Variants in KDELR3 observed in about 807,000 individuals in gnomAD.
KDELR3 encodes KDEL endoplasmic reticulum protein retention receptor 3, also known as ER lumen protein-retaining receptor 3.
In KDELR3, 26 loss-of-function variants were observed where a neutral mutation model predicts 22.7. The observed-to-expected ratio is 1.15, with a 90% CI of 0.84 to 1.59. The LOEUF (loss-of-function observed/expected upper bound fraction) is 1.59, where lower values mean the gene tolerates loss of function less well. Among genes scored for constraint, KDELR3 ranks in the 40% most tolerant of loss-of-function variants. The pLI is 0.00. For synonymous variants in KDELR3, 120 were observed against 98.2 expected, an observed-to-expected ratio of 1.22 and a Z score of -1.31; for missense variants, 289 against 251.1, an observed-to-expected ratio of 1.15 and a Z score of -1.02.
chr22:38,475,113 C>A (rs1316835628), intron 2 of KDELR3, among the ~76,000 whole-genome samples: 5 of 146,238 alleles, frequency 3.4e-5, no homozygotes, highest in Non-Finnish European at 6.0e-5. Context: ...AAAGACAGTA[C>A]CATTACTTAG....
At position 38,482,748 on chromosome 22, in the gene KDELR3, G is replaced by A. The variant is rs2089613792; in HGVS notation, c.*212G>A. The A allele has an allele frequency of 9.1e-6, 5 of 547,632 alleles. No individual in the cohort carries two copies. Among genetic ancestry groups the A allele is most frequent in the Non-Finnish European group, 1.6e-5 (5 of 309,784 alleles). The allele number at this position is 547,632 out of a possible 1,614,324, so 33.9% of individuals were successfully genotyped here. A position where few individuals can be genotyped will look rare whatever the true frequency, so the allele number is the denominator to read the frequency against. On this transcript the variant is annotated 3_prime_UTR_variant, in exon 5 of 5. Coordinates refer to ENST00000216014, the MANE Select transcript of KDELR3 (RefSeq NM_006855.4). ...CCATTGTAAGGTCATAAAAAACCTCGGCCACCTGCACAAAGATGGTGCCTC... is the reference window on the plus strand; with the variant it reads ...CCATTGTAAGGTCATAAAAAACCTCAGCCACCTGCACAAAGATGGTGCCTC...
Position 38,479,654 on chromosome 22 carries a change from CTT to C in KDELR3, c.257_258del (p.Phe86Ter), listed in dbSNP as rs746369189. On this transcript the variant is annotated frameshift_variant, in exon 3 of 5. Coordinates refer to ENST00000216014, the MANE Select transcript of KDELR3 (RefSeq NM_006855.4). LOFTEE classifies it high-confidence loss of function. ...ATGATATATGGGAAATTCCGTAAAACTTTTGACAGTGAGAATGACACATTCCG... is the reference window on the plus strand; with the variant it reads ...ATGATATATGGGAAATTCCGTAAAACTTGACAGTGAGAATGACACATTCCG... 3 of 1,614,060 alleles carry C rather than the reference CTT, an allele frequency of 1.9e-6. No individual in the cohort carries two copies. In the East Asian group the frequency reaches 6.7e-5, roughly 36 times the overall value.
intron 2 of KDELR3, among the ~76,000 whole-genome samples, chr22:38,477,181 G>C (rs920004613): frequency 1.3e-5 from 2 of 150,268 alleles, no homozygotes; most frequent in African/African-American, 4.9e-5. Flanking sequence ...CCAAAGTGTT[G>C]GGATTACAGG....
Position 38,474,557 on chromosome 22 carries a change from C to A in KDELR3, c.126C>A (p.Leu42=), listed in dbSNP as rs201269393. The A allele has an allele frequency of 1.2e-6, 2 of 1,613,894 alleles. No individual in the cohort carries two copies. Among genetic ancestry groups the A allele is most frequent in the Non-Finnish European group, 1.7e-6 (2 of 1,179,976 alleles). ...GGAAGAGCCAGATCCTGTTTGCTCT[C>A]GTCTTCACCACCAGGTACCTGGACC... is the stretch of plus-strand genomic sequence containing the variant. The part of the protein sequence containing the change: ...ISGKSQILFA[L]VFTTRYLDLF... Residue 42 remains leucine, a synonymous_variant, in exon 2 of 5, where the codon CTC becomes CTA. Coordinates refer to ENST00000216014, the MANE Select transcript of KDELR3 (RefSeq NM_006855.4).
rs767627216 is a variant in KDELR3 at position 38,474,626 on chromosome 22, G to T, written c.192+3G>T. On this transcript the variant is annotated splice_donor_region_variant and intron_variant, in intron 2 of 4. Coordinates refer to ENST00000216014, the MANE Select transcript of KDELR3 (RefSeq NM_006855.4). ...CCATCTACAACACAGTAATGAAGGT[G>T]AGGGGCTGGGTGATGATGGTTGGGG... is the stretch of plus-strand genomic sequence containing the variant. 6.2e-7 allele frequency: 1 copy of T among 1,610,180 alleles called. No homozygotes were observed.
intron 1 of KDELR3, among the ~76,000 whole-genome samples, chr22:38,471,474 T>C (rs1470956962): frequency 6.6e-6 from 1 of 152,196 alleles, no homozygotes; most frequent in Non-Finnish European, 1.5e-5. Flanking sequence ...CCCCGGCTAG[T>C]GCACGTGCGC....
chr22:38,476,889 C>T (rs1457846766), intron 2 of KDELR3, among the ~76,000 whole-genome samples: 1 of 272 alleles, frequency 3.7e-3, no homozygotes, highest in African/African-American at 0.011. Context: ...TCACTGCAGT[C>T]TCTGCTCCCG....
rs1264618201 is a variant in KDELR3, at chr22:38,481,299, A to AT, written c.440dup (p.Thr148AsnfsTer18). 9 of 1,614,212 alleles carry AT rather than the reference A, an allele frequency of 5.6e-6. No individual in the cohort carries two copies. Among genetic ancestry groups the AT allele is most frequent in the Non-Finnish European group, 7.6e-6 (9 of 1,180,040 alleles). On this transcript the variant is annotated frameshift_variant, in exon 4 of 5. Coordinates refer to ENST00000216014, the MANE Select transcript of KDELR3 (RefSeq NM_006855.4). LOFTEE classifies it high-confidence loss of function. ...CAGCAAGACTGGAGAGGCTGAGACC[A>AT]TAACTACTCACTACCTGTTCTTTCT... is the stretch of plus-strand genomic sequence containing the variant.
intron 2 of KDELR3, among the ~76,000 whole-genome samples, chr22:38,479,087 A>C (rs557094159): frequency 6.6e-6 from 1 of 152,212 alleles, no homozygotes; most frequent in Non-Finnish European, 1.5e-5. Flanking sequence ...AGTTAGTTCA[A>C]GGGATGTTAG....
At chr22:38,476,877 G>T (rs2089563110) in intron 2 of KDELR3, among the ~76,000 whole-genome samples, 2 of 83,742 alleles carry the variant, frequency 2.4e-5, no homozygotes, top group Admixed American at 2.6e-4. Flanking sequence ...CACGATCTTG[G>T]CTCACTGCAG....
chr22:38,472,596 G>A (rs1040163960), intron 1 of KDELR3, among the ~76,000 whole-genome samples: 4 of 152,218 alleles, frequency 2.6e-5, no homozygotes, highest in African/African-American at 9.6e-5. Flanking sequence ...GGGAAAACTG[G>A]TGAAATCAGA....
Position 38,481,208 on chromosome 22 carries a change from T to C in KDELR3, c.352-4T>C. 2 of 1,611,736 alleles carry C rather than the reference T, an allele frequency of 1.2e-6. No homozygotes were observed. Among genetic ancestry groups the C allele is most frequent in the Non-Finnish European group, 1.7e-6 (2 of 1,178,556 alleles). On this transcript the variant is annotated splice_polypyrimidine_tract_variant and splice_region_variant and intron_variant, in intron 3 of 4. Transcript: ENST00000216014. ...AGTCTCTGGTTGCTTTCTCTTTGGC[T>C]CAGATCCTCTGGACTTTCTCTATCT...
In KDELR3 at chr22:38,468,439, G is replaced by C. The variant is rs957134562; in HGVS notation, c.91+115G>C. The C allele has an allele frequency of 3.8e-6, 3 of 797,702 alleles. No individual in the cohort carries two copies. The South Asian group carries it at 4.5e-5, about 12-fold the overall frequency. 49.4% of individuals were successfully genotyped at this position (797,702 alleles called of 1,614,324 possible). ...TCAGGGTGGGGACTCCGGCGTGGGG[G>C]TCCTTGAAACTTTGCGGAGCTCCAC... On this transcript the variant is annotated intron_variant, in intron 1 of 4. Coordinates refer to ENST00000216014, the MANE Select transcript of KDELR3 (RefSeq NM_006855.4).
intron 1 of KDELR3, among the ~76,000 whole-genome samples, chr22:38,470,379 A>C (rs1466885716): frequency 1.3e-5 from 2 of 152,324 alleles, no homozygotes; most frequent in East Asian, 3.9e-4. Context: ...GTGAGCCACC[A>C]TGCCCGGCCA....
intron 1 of KDELR3, among the ~76,000 whole-genome samples, chr22:38,472,815 T>C (rs1457071920): frequency 6.6e-6 from 1 of 152,264 alleles, no homozygotes; most frequent in Non-Finnish European, 1.5e-5. Context: ...TTCTCCTGCC[T>C]CAGCCTCCCA....
chr22:38,470,886 G>A (rs2089520619), intron 1 of KDELR3, among the ~76,000 whole-genome samples: 2 of 152,158 alleles, frequency 1.3e-5, no homozygotes, highest in Non-Finnish European at 1.5e-5. Context: ...GCTCACACCT[G>A]TAATCCCAGC....
At chr22:38,470,156 TTC>T (rs2089516170) in intron 1 of KDELR3, among the ~76,000 whole-genome samples, 1 of 142,764 alleles carries the variant, frequency 7.0e-6, no homozygotes, top group South Asian at 2.3e-4. Context: ...CAGAGTTTTG[TTC>T]TATCCCCTAG....
chr22:38,477,747 A>C (rs1170872318), intron 2 of KDELR3, among the ~76,000 whole-genome samples: 1 of 152,176 alleles, frequency 6.6e-6, no homozygotes, highest in African/African-American at 2.4e-5. Context: ...TGTGAATCTG[A>C]GGACTGGAAA....
chr22:38,479,907 G>A (rs778883688), intron 3 of KDELR3, among the ~76,000 whole-genome samples, 156 bp downstream of exon 3: 7 of 152,174 alleles, frequency 4.6e-5, no homozygotes, highest in Admixed American at 6.5e-5. Context: ...TATTTACAAT[G>A]CTTTAGTTGG....
Sources: allele counts gnomAD v4.1 joint callset (sites outside exome capture counted in the v4.1 genomes callset), GRCh38; gene constraint gnomAD v4.1.1; transcripts MANE v1.5; gene names NCBI Gene and HGNC (gene_info 2026-07-23, HGNC 2026-07-21).